The following SLC35F1 variants were observed in gnomAD, a reference collection of about 807,000 sequenced individuals.
SLC35F1 encodes the protein solute carrier family 35 member F1.
A neutral mutation model predicts 48.7 loss-of-function variants in SLC35F1; 14 were observed. That is an observed-to-expected ratio of 0.29 (90% CI 0.19 to 0.45). The LOEUF (loss-of-function observed/expected upper bound fraction) is 0.45. Ranked by LOEUF, SLC35F1 falls within the 20% of genes least tolerant of loss-of-function variation. The pLI is 1.00. For synonymous variants in SLC35F1, 190 were observed against 202.2 expected, an observed-to-expected ratio of 0.94 and a Z score of 0.51; for missense variants, 404 against 500.0, an observed-to-expected ratio of 0.81 and a Z score of 1.83.
intron 2 of SLC35F1, among the ~76,000 whole-genome samples, chr6:118,185,425 A>AT (rs1168447535): frequency 2.0e-5 from 3 of 152,206 alleles, no homozygotes; most frequent in African/African-American, 7.2e-5. Flanking sequence ...ACCAGCTTGA[A>AT]TAAGGGTAGG....
chr6:118,049,067 A>G (rs1250838012), intron 1 of SLC35F1, among the ~76,000 whole-genome samples: 1 of 152,144 alleles, frequency 6.6e-6, no homozygotes, highest in Non-Finnish European at 1.5e-5. Context: ...CCGCATATCT[A>G]CAACCATCTG....
chr6:118,190,651 G>A (rs1463304858), intron 2 of SLC35F1, among the ~76,000 whole-genome samples: 1 of 152,084 alleles, frequency 6.6e-6, no homozygotes. Flanking sequence ...AGAGATGGCT[G>A]CATGCAAATA....
intron 3 of SLC35F1, among the ~76,000 whole-genome samples, chr6:118,249,486 TA>T (rs1775546691): frequency 6.6e-6 from 1 of 152,196 alleles, no homozygotes; most frequent in South Asian, 2.1e-4. Flanking sequence ...TCTATCACTG[TA>T]CAAAATTCAC....
At chr6:117,998,040 C>T (rs1777023036) in intron 1 of SLC35F1, among the ~76,000 whole-genome samples, 1 of 147,778 alleles carries the variant, frequency 6.8e-6, no homozygotes, top group Non-Finnish European at 1.5e-5. Flanking sequence ...ATCTCACGTG[C>T]AGAGACACAC....
At chr6:118,103,327 G>A (rs988583751) in intron 1 of SLC35F1, among the ~76,000 whole-genome samples, 1 of 152,116 alleles carries the variant, frequency 6.6e-6, no homozygotes, top group Non-Finnish European at 1.5e-5. Flanking sequence ...GTGCAGGTTT[G>A]TTACATATGT....
intron 2 of SLC35F1, among the ~76,000 whole-genome samples, chr6:118,218,411 G>A (rs890985204): frequency 2.0e-5 from 3 of 152,120 alleles, no homozygotes; most frequent in Non-Finnish European, 4.4e-5. Context: ...ACTGTTTGGT[G>A]GAGGGAGGGC....
chr6:118,125,646 A>G (rs1773613778), intron 1 of SLC35F1, among the ~76,000 whole-genome samples: 1 of 152,172 alleles, frequency 6.6e-6, no homozygotes, highest in African/African-American at 2.4e-5. Flanking sequence ...GAGAACTCCC[A>G]GATTCCCAGT....
chr6:118,045,990 T>C (rs1490212344), intron 1 of SLC35F1, among the ~76,000 whole-genome samples: 1 of 152,160 alleles, frequency 6.6e-6, no homozygotes, highest in African/African-American at 2.4e-5. Context: ...GAGTTGTCAC[T>C]CAACCAGATG....
At chr6:118,051,401 G>T (rs1180597340) in intron 1 of SLC35F1, among the ~76,000 whole-genome samples, 1 of 152,036 alleles carries the variant, frequency 6.6e-6, no homozygotes, top group African/African-American at 2.4e-5. Flanking sequence ...GAATAATTGG[G>T]TAATTTTCTA....
chr6:118,089,067 G>T (rs901910006), intron 1 of SLC35F1, among the ~76,000 whole-genome samples: 5 of 152,152 alleles, frequency 3.3e-5, no homozygotes, highest in African/African-American at 4.8e-5. Context: ...AAGAAATCAT[G>T]GTGCCTAGAA....
intron 1 of SLC35F1, among the ~76,000 whole-genome samples, chr6:118,046,162 T>TA (rs1266617611): frequency 2.0e-5 from 3 of 152,208 alleles, no homozygotes; most frequent in Non-Finnish European, 4.4e-5. Context: ...GGCAAAGTCT[T>TA]ACATCTTTAA....
intron 1 of SLC35F1, among the ~76,000 whole-genome samples, chr6:117,980,481 TA>T (rs1776762682): frequency 6.6e-6 from 1 of 152,180 alleles, no homozygotes; most frequent in Non-Finnish European, 1.5e-5. Context: ...TGGAGGATAT[TA>T]CAATTTCTAG....
intron 1 of SLC35F1, among the ~76,000 whole-genome samples, chr6:118,123,608 T>C (rs919593116): frequency 1.1e-4 from 16 of 152,346 alleles, no homozygotes; most frequent in African/African-American, 3.8e-4. Flanking sequence ...GATGCATCTC[T>C]GCAACCTTTG....
intron 1 of SLC35F1, among the ~76,000 whole-genome samples, chr6:118,084,369 G>A (rs901439295): frequency 1.3e-5 from 2 of 152,044 alleles, no homozygotes; most frequent in African/African-American, 4.8e-5. Context: ...AAGAATAGAT[G>A]TTGATTCTTA....
chr6:118,153,095 T>C (rs576714964), intron 1 of SLC35F1, among the ~76,000 whole-genome samples: 1 of 152,300 alleles, frequency 6.6e-6, no homozygotes, highest in East Asian at 1.9e-4. Context: ...ATGTTTTTTC[T>C]TTTTTAAAGC....
intron 1 of SLC35F1, among the ~76,000 whole-genome samples, chr6:118,002,985 TA>T (rs1233838261): frequency 2.6e-5 from 4 of 152,226 alleles, no homozygotes; most frequent in African/African-American, 9.6e-5. Flanking sequence ...AAGTCAGTCT[TA>T]TGCAGTATTG....
chr6:118,104,795 C>G (rs1773307471), intron 1 of SLC35F1, among the ~76,000 whole-genome samples: 1 of 152,162 alleles, frequency 6.6e-6, no homozygotes, highest in Admixed American at 6.5e-5. Flanking sequence ...GAGGCTAAAT[C>G]TGCTTGTTCT....
chr6:118,034,260 A>G (rs1385187598), intron 1 of SLC35F1, among the ~76,000 whole-genome samples: 1 of 152,104 alleles, frequency 6.6e-6, no homozygotes, highest in African/African-American at 2.4e-5. Context: ...TGTTCAGGCA[A>G]CACAAAAACA....
At chr6:118,168,877 A>G (rs1244166567) in intron 2 of SLC35F1, among the ~76,000 whole-genome samples, 1 of 152,234 alleles carries the variant, frequency 6.6e-6, no homozygotes, top group Non-Finnish European at 1.5e-5. Flanking sequence ...AACACGGTGG[A>G]AGATATCAGG....
Sources: allele counts gnomAD v4.1 joint callset (sites outside exome capture counted in the v4.1 genomes callset), GRCh38; gene constraint gnomAD v4.1.1; transcripts MANE v1.5; gene names NCBI Gene and HGNC (gene_info 2026-07-23, HGNC 2026-07-21).